Variants in WWOX observed in about 807,000 individuals in gnomAD.
The protein encoded by WWOX is WW domain containing oxidoreductase.
In WWOX, 69 loss-of-function variants were observed where a neutral mutation model predicts 46.2. The observed-to-expected ratio is 1.49, with a 90% CI of 1.23 to 1.82. The LOEUF (loss-of-function observed/expected upper bound fraction) is 1.82, where lower values mean the gene tolerates loss of function less well. Among genes scored for constraint, WWOX ranks in the 40% most tolerant of loss-of-function variants. The pLI is 0.00. For missense variants in WWOX, 919 were observed against 542.6 expected (o/e 1.69, Z -6.89); for synonymous variants, 359 against 202.6 (o/e 1.77, Z -6.56).
chr16:78,170,504 C>G (rs1314340228), intron 5 of WWOX, among the ~76,000 whole-genome samples: 1 of 152,202 alleles, frequency 6.6e-6, no homozygotes, highest in East Asian at 1.9e-4. Context: ...CTTAACCTCT[C>G]CAACTGGCTG....
intron 8 of WWOX, among the ~76,000 whole-genome samples, chr16:78,952,825 AGTGAATGAGTAC>A (rs2046089217): frequency 6.6e-6 from 1 of 152,186 alleles, no homozygotes; most frequent in Admixed American, 6.5e-5. Flanking sequence ...TGAATGAGTA[AGTGAATGAGTAC>A]GTGAATAAAT....
At chr16:78,646,060 C>G (rs1403675986) in intron 8 of WWOX, among the ~76,000 whole-genome samples, 1 of 152,096 alleles carries the variant, frequency 6.6e-6, no homozygotes, top group Non-Finnish European at 1.5e-5. Flanking sequence ...CTGCATTGGT[C>G]TTCCTTGGGT....
At chr16:78,487,564 G>A (rs2084670594) in intron 8 of WWOX, among the ~76,000 whole-genome samples, 1 of 152,190 alleles carries the variant, frequency 6.6e-6, no homozygotes. Context: ...CTGGTTCAGG[G>A]TGTTGAGGCT....
chr16:78,109,311 A>G (rs1228162014), intron 2 of WWOX, among the ~76,000 whole-genome samples: 1 of 151,822 alleles, frequency 6.6e-6, no homozygotes, highest in Admixed American at 6.6e-5. Flanking sequence ...ACATAGTGAG[A>G]CCCCATCTCA....
At chr16:79,001,994 G>C (rs1007114601) in intron 8 of WWOX, among the ~76,000 whole-genome samples, 2 of 152,094 alleles carry the variant, frequency 1.3e-5, no homozygotes, top group African/African-American at 4.8e-5. Context: ...AGAGGACAGA[G>C]GGTGTGATTA....
intron 8 of WWOX, among the ~76,000 whole-genome samples, chr16:78,464,813 C>T (rs967056542): frequency 1.1e-4 from 16 of 152,122 alleles, no homozygotes; most frequent in African/African-American, 3.4e-4. Context: ...AAATGTTAGA[C>T]CCTCAATAAG....
intron 5 of WWOX, among the ~76,000 whole-genome samples, chr16:78,308,922 T>C (rs1039794801): frequency 2.6e-5 from 4 of 152,190 alleles, no homozygotes; most frequent in African/African-American, 9.6e-5. Flanking sequence ...CAGACAGTCC[T>C]ATCTGTTGAT....
At chr16:79,030,711 TC>T (rs779796145) in intron 8 of WWOX, among the ~76,000 whole-genome samples, 5 of 152,310 alleles carry the variant, frequency 3.3e-5, no homozygotes, top group Admixed American at 6.5e-5. Context: ...ACCAGTATCT[TC>T]TACCCTCCGG....
intron 8 of WWOX, among the ~76,000 whole-genome samples, chr16:78,822,554 C>G (rs369402246): frequency 1.3e-5 from 2 of 152,002 alleles, no homozygotes; most frequent in African/African-American, 2.4e-5. Flanking sequence ...AATTCCCATC[C>G]CCACCTAGAA....
At chr16:79,052,680 G>C (rs545714735) in intron 8 of WWOX, among the ~76,000 whole-genome samples, 1 of 152,132 alleles carries the variant, frequency 6.6e-6, no homozygotes, top group African/African-American at 2.4e-5. Context: ...GAGTACACGT[G>C]TCAGGTTATA....
intron 5 of WWOX, among the ~76,000 whole-genome samples, chr16:78,170,084 T>A (rs1441301570): frequency 2.0e-5 from 3 of 152,040 alleles, no homozygotes; most frequent in Non-Finnish European, 4.4e-5. Context: ...GTGTCTTGAG[T>A]CTATTACCCT....
intron 4 of WWOX, among the ~76,000 whole-genome samples, chr16:78,137,047 C>G (rs912584931): frequency 6.6e-6 from 1 of 152,284 alleles, no homozygotes; most frequent in Admixed American, 6.5e-5. Context: ...ACATACCATT[C>G]ACAACATAAG....
At chr16:78,993,748 A>G (rs1277923149) in intron 8 of WWOX, among the ~76,000 whole-genome samples, 1 of 152,168 alleles carries the variant, frequency 6.6e-6, no homozygotes, top group Non-Finnish European at 1.5e-5. Flanking sequence ...TTTATATAAC[A>G]CACTCGCCAG....
At chr16:78,301,573 G>C (rs1391705483) in intron 5 of WWOX, among the ~76,000 whole-genome samples, 1 of 152,154 alleles carries the variant, frequency 6.6e-6, no homozygotes, top group Admixed American at 6.5e-5. Context: ...AATTAGAATT[G>C]TGGGCGTGCA....
intron 8 of WWOX, among the ~76,000 whole-genome samples, chr16:78,702,189 A>G (rs988724893): frequency 4.7e-5 from 7 of 148,104 alleles, no homozygotes; most frequent in Non-Finnish European, 7.4e-5. Context: ...CCGAGGCAGG[A>G]GAGTCACTTA....
intron 8 of WWOX, among the ~76,000 whole-genome samples, chr16:79,191,621 T>C (rs1281245511): frequency 6.6e-6 from 1 of 152,176 alleles, no homozygotes; most frequent in Non-Finnish European, 1.5e-5. Flanking sequence ...TGGAGAAGGT[T>C]TCTATCAAAT....
chr16:78,107,705 C>G (rs74930786), intron 1 of WWOX, among the ~76,000 whole-genome samples: 3 of 152,062 alleles, frequency 2.0e-5, no homozygotes, highest in African/African-American at 4.8e-5. Flanking sequence ...CAAGGTGGCA[C>G]GGGCTTCTAG....
chr16:78,325,273 G>A (rs2080586741), intron 5 of WWOX, among the ~76,000 whole-genome samples: 1 of 152,216 alleles, frequency 6.6e-6, no homozygotes, highest in Non-Finnish European at 1.5e-5. Context: ...GATCACAGGT[G>A]TTGTTAAAAC....
chr16:79,003,906 C>T (rs1022409207), intron 8 of WWOX, among the ~76,000 whole-genome samples: 5 of 152,140 alleles, frequency 3.3e-5, no homozygotes, highest in Non-Finnish European at 5.9e-5. Context: ...AGAGGAGAAG[C>T]GAATTGATGG....
Sources: gnomAD v4.1 joint callset for allele counts (sites outside exome capture counted in the v4.1 genomes callset) on GRCh38, gnomAD v4.1.1 for gene constraint, MANE v1.5 for transcripts, NCBI Gene and HGNC (gene_info 2026-07-23, HGNC 2026-07-21) for gene names.